Variants in GNG7 observed in about 807,000 individuals in gnomAD.
GNG7 encodes the protein guanine nucleotide-binding protein G(I)/G(S)/G(O) subunit gamma-7.
GNG7 carries 1 observed loss-of-function variant against 4.0 expected under a neutral mutation model. The ratio of observed to expected loss-of-function variants is 0.25; its 90% CI spans 0.09 to 1.18. The LOEUF (loss-of-function observed/expected upper bound fraction) is 1.18. Ranked by LOEUF, GNG7 falls within the 50% of genes most tolerant of loss-of-function variation. The probability of loss-of-function intolerance (pLI) is 0.50; values close to 1 mark genes in which losing one functional copy is unlikely to be tolerated. For missense variants in GNG7, 86 were observed against 91.9 expected, an observed-to-expected ratio of 0.94 and a Z score of 0.26; for synonymous variants, 34 against 36.9, an observed-to-expected ratio of 0.92 and a Z score of 0.29.
intron 1 of GNG7, among the ~76,000 whole-genome samples, chr19:2,699,147 C>CTTTTT (rs371884402): frequency 7.8e-6 from 1 of 128,518 alleles, no homozygotes; most frequent in Non-Finnish European, 1.6e-5. Flanking sequence ...AAGGAGTAGC[C>CTTTTT]TTTTTTTTTT....
chr19:2,524,872 G>C (rs1188629204), intron 3 of GNG7, among the ~76,000 whole-genome samples: 3 of 152,210 alleles, frequency 2.0e-5, no homozygotes, highest in Admixed American at 2.0e-4. Flanking sequence ...GTGCGTGCGT[G>C]GGTGTGTACA....
chr19:2,658,844 G>T (rs1983063621), intron 1 of GNG7, among the ~76,000 whole-genome samples: 1 of 152,208 alleles, frequency 6.6e-6, no homozygotes, highest in African/African-American at 2.4e-5. Flanking sequence ...TCGGGGAGAG[G>T]AGATAGGTGG....
At chr19:2,636,545 G>GCT (rs1191395927) in intron 2 of GNG7, among the ~76,000 whole-genome samples, 1 of 152,144 alleles carries the variant, frequency 6.6e-6, no homozygotes, top group African/African-American at 2.4e-5. Context: ...TCTGGTCCGA[G>GCT]CTCTGCTCTG....
chr19:2,616,984 A>G (rs1981740873), intron 2 of GNG7, among the ~76,000 whole-genome samples: 2 of 152,160 alleles, frequency 1.3e-5, no homozygotes, highest in South Asian at 4.1e-4. Context: ...AGTGTCTTGG[A>G]ATCAGAAGGT....
At chr19:2,642,165 T>C (rs913831830) in intron 2 of GNG7, 1 of 159,056 alleles carries the variant, frequency 6.3e-6, no homozygotes, top group African/African-American at 2.4e-5. Flanking sequence ...GCCAGGGAGC[T>C]GTTCTCACAG....
At chr19:2,646,669 G>A (rs1001495896) in intron 1 of GNG7, among the ~76,000 whole-genome samples, 3 of 148,392 alleles carry the variant, frequency 2.0e-5, no homozygotes, top group African/African-American at 7.5e-5. Context: ...TGGGCAACAG[G>A]GCAAGACTCT....
rs1373761308 is a variant in GNG7 at position 2,512,209 on chromosome 19, ACG to A, written c.*2811_*2812del. The stretch of plus-strand genomic sequence containing the variant: ...CCGCCAGCTCCCCGTCTGGAGGTGC[ACG>A]CGCGCTCCTGGAAACGCCCATAAAA... On this transcript the variant is annotated 3_prime_UTR_variant, in exon 5 of 5. Coordinates refer to ENST00000382159, the MANE Select transcript of GNG7 (RefSeq NM_052847.3). This position sits in a 1 kb window ranked among gnomAD's most constrained non-coding sequence, Gnocchi z 4.7. 3.0e-6 allele frequency: 3 copies of A among 985,714 alleles called. No individual in the cohort carries two copies. The highest frequency in any genetic ancestry group is 1.7e-5 in the African/African-American group (1 of 57,188). 61.1% of individuals were successfully genotyped at this position (985,714 alleles called of 1,614,324 possible).
At chr19:2,650,559 C>T (rs965304776) in intron 1 of GNG7, among the ~76,000 whole-genome samples, 1 of 152,186 alleles carries the variant, frequency 6.6e-6, no homozygotes, top group African/African-American at 2.4e-5. Flanking sequence ...AGCCCTTTAA[C>T]CCCAGCCCCT....
chr19:2,535,068 C>T (rs1176719342), intron 3 of GNG7, among the ~76,000 whole-genome samples: 3 of 152,180 alleles, frequency 2.0e-5, no homozygotes, highest in Admixed American at 6.5e-5. Flanking sequence ...TTAACAGTTA[C>T]AACAATCTTG....
At chr19:2,628,791 C>A (rs1160809865) in intron 2 of GNG7, among the ~76,000 whole-genome samples, 1 of 152,112 alleles carries the variant, frequency 6.6e-6, no homozygotes. Context: ...GAGGTCAGGC[C>A]CACCCAGGAT....
intron 2 of GNG7, among the ~76,000 whole-genome samples, chr19:2,568,043 G>A (rs1241027843): frequency 6.6e-6 from 1 of 151,782 alleles, no homozygotes; most frequent in Non-Finnish European, 1.5e-5. Context: ...ATGCACACAC[G>A]TGCAGATACA....
intron 2 of GNG7, among the ~76,000 whole-genome samples, chr19:2,577,484 C>T (rs956318843): frequency 2.0e-5 from 3 of 152,090 alleles, no homozygotes; most frequent in South Asian, 4.1e-4. Flanking sequence ...CGCAATGCAC[C>T]GCTCACTTCT....
intron 2 of GNG7, among the ~76,000 whole-genome samples, chr19:2,604,449 C>A (rs1415955980): frequency 2.5e-5 from 3 of 121,552 alleles, no homozygotes; most frequent in African/African-American, 3.3e-5. Flanking sequence ...CCAGCCTGGG[C>A]AACGGAGCAA....
intron 1 of GNG7, among the ~76,000 whole-genome samples, chr19:2,682,752 C>T (rs572190869): frequency 1.3e-5 from 2 of 151,832 alleles, no homozygotes; most frequent in Non-Finnish European, 2.9e-5. Context: ...TCCCACTCCA[C>T]GCCATGAGCC....
intron 2 of GNG7, among the ~76,000 whole-genome samples, chr19:2,600,523 G>A (rs1981167984): frequency 6.7e-6 from 1 of 148,846 alleles, no homozygotes; most frequent in Admixed American, 6.8e-5. Context: ...CCAGGCTGGA[G>A]TGCAGTGGCG....
chr19:2,625,950 G>T (rs1226644624), intron 2 of GNG7, among the ~76,000 whole-genome samples: 4 of 152,002 alleles, frequency 2.6e-5, no homozygotes, highest in Non-Finnish European at 4.4e-5. Flanking sequence ...ACCACGCCTG[G>T]CTAATTTTTG....
intron 3 of GNG7, among the ~76,000 whole-genome samples, chr19:2,548,446 A>G (rs565765565): frequency 7.6e-6 from 1 of 131,944 alleles, no homozygotes; most frequent in African/African-American, 2.9e-5. Context: ...GCGCCATTGC[A>G]CTCCAGCCCG....
chr19:2,552,810 G>A (rs1354809176), intron 3 of GNG7, among the ~76,000 whole-genome samples: 1 of 149,982 alleles, frequency 6.7e-6, no homozygotes, highest in Non-Finnish European at 1.5e-5. Flanking sequence ...CACAAAAAAA[G>A]TAATGCGTTT....
chr19:2,674,507 C>T lies in GNG7; in HGVS notation c.-135+28139G>A, dbSNP rs551428787. Among the ~76,000 whole-genome samples the T allele has an allele frequency of 1.1e-3, 161 of 152,192 alleles. 1 individual carries two copies. Among genetic ancestry groups the T allele is most frequent in the African/African-American group, 3.6e-3 (151 of 41,514 alleles). On this transcript the variant is annotated intron_variant, in intron 1 of 4. Transcript: ENST00000382159. ...CTGGAGTGCAGTGGTGCAATCTCAG[C>T]TCGCTGCAACCTCCACCTCCTGGGC...
Sources: allele counts gnomAD v4.1 joint callset (sites outside exome capture counted in the v4.1 genomes callset), GRCh38; gene constraint gnomAD v4.1.1; non-coding constraint Gnocchi (gnomAD v3.1); transcripts MANE v1.5; gene names NCBI Gene and HGNC (gene_info 2026-07-23, HGNC 2026-07-21).